The following MTUS2 variants were observed in gnomAD, a reference collection of about 807,000 sequenced individuals.
The protein encoded by MTUS2 is microtubule-associated tumor suppressor candidate 2.
In MTUS2, 40 loss-of-function variants were observed where a neutral mutation model predicts 114.1. The ratio of observed to expected loss-of-function variants is 0.35; its 90% CI spans 0.27 to 0.46. MTUS2 has a LOEUF of 0.46. Ranked by LOEUF, MTUS2 falls within the 20% of genes least tolerant of loss-of-function variation. MTUS2 has a pLI of 1.00. For synonymous variants in MTUS2, 688 were observed against 672.0 expected, an observed-to-expected ratio of 1.02 and a Z score of -0.37; for missense variants, 1,679 against 1,705.4, an observed-to-expected ratio of 0.98 and a Z score of 0.27.
chr13:29,420,473 T>C (rs184310501), intron 8 of MTUS2, among the ~76,000 whole-genome samples: 2 of 152,280 alleles, frequency 1.3e-5, no homozygotes, highest in Admixed American at 1.3e-4. Flanking sequence ...AGAGAGGGTT[T>C]CACCATGTTG....
At chr13:29,037,840 A>G (rs951856188) in intron 4 of MTUS2, among the ~76,000 whole-genome samples, 7 of 152,050 alleles carry the variant, frequency 4.6e-5, no homozygotes, top group Non-Finnish European at 1.0e-4. Context: ...CGAAGTTTTC[A>G]TGCTGTGTTT....
At chr13:29,243,589 G>A (rs1231582663) in intron 5 of MTUS2, among the ~76,000 whole-genome samples, 1 of 152,190 alleles carries the variant, frequency 6.6e-6, no homozygotes, top group Non-Finnish European at 1.5e-5. Flanking sequence ...AAGCCTTAGA[G>A]CATTAAAGGA....
chr13:29,223,877 A>G (rs1896003434), intron 5 of MTUS2, among the ~76,000 whole-genome samples: 1 of 152,192 alleles, frequency 6.6e-6, no homozygotes, highest in African/African-American at 2.4e-5. Flanking sequence ...GAGCCACCAC[A>G]TTCCCTGTGC....
chr13:29,073,060 G>A (rs550079271), intron 4 of MTUS2, among the ~76,000 whole-genome samples: 3 of 152,054 alleles, frequency 2.0e-5, no homozygotes, highest in South Asian at 4.2e-4. Context: ...TCTGGTGGTC[G>A]TTTTATTCTA....
intron 9 of MTUS2, among the ~76,000 whole-genome samples, chr13:29,462,893 G>A (rs548470094): frequency 1.4e-4 from 21 of 152,092 alleles, no homozygotes; most frequent in African/African-American, 2.2e-4. Flanking sequence ...CGACATCCCC[G>A]ATGATGTCCT....
chr13:29,492,894 G>C (rs1021717908), intron 12 of MTUS2, among the ~76,000 whole-genome samples, 175 bp downstream of exon 12: 2 of 152,214 alleles, frequency 1.3e-5, no homozygotes, highest in African/African-American at 2.4e-5. Context: ...TGCTCAGAAA[G>C]CTGTGATGCA....
intron 6 of MTUS2, among the ~76,000 whole-genome samples, chr13:29,305,729 T>A (rs535543882): frequency 6.6e-6 from 1 of 152,180 alleles, no homozygotes; most frequent in Admixed American, 6.6e-5. Context: ...CTGATACCAT[T>A]GCTACTGAAA....
In MTUS2 at chr13:29,115,944, G is replaced by A. The variant is rs140720192; in HGVS notation, c.2644+14974G>A. Among the ~76,000 whole-genome samples the A allele has an allele frequency of 4.5e-3, 691 of 152,294 alleles. 21 individuals carry two copies. Among genetic ancestry groups the A allele is most frequent in the Admixed American group, 0.041 (631 of 15,300 alleles). ...TGTGTTTATTCTACTTAAGGGTGGT[G>A]GGGCCATAACAGAGCATGATATCAA... On this transcript the variant is annotated intron_variant, in intron 5 of 15. Coordinates refer to ENST00000612955, the MANE Select transcript of MTUS2 (RefSeq NM_001033602.4).
chr13:29,122,893 G>T (rs942111860), intron 5 of MTUS2, among the ~76,000 whole-genome samples: 1 of 152,196 alleles, frequency 6.6e-6, no homozygotes, highest in Non-Finnish European at 1.5e-5. Flanking sequence ...TTCCAGGAGG[G>T]AATTTTTAAA....
chr13:28,928,600 T>A (rs2138079773), intron 2 of MTUS2, among the ~76,000 whole-genome samples: 1 of 152,186 alleles, frequency 6.6e-6, no homozygotes, highest in East Asian at 1.9e-4. Context: ...AAAATAATGC[T>A]GCGGAGAATG....
intron 5 of MTUS2, among the ~76,000 whole-genome samples, chr13:29,183,476 G>A (rs867221092): frequency 1.2e-4 from 18 of 152,146 alleles, no homozygotes; most frequent in Admixed American, 1.0e-3. Context: ...ATCAAGTAAC[G>A]AGTCTGGAGT....
intron 7 of MTUS2, among the ~76,000 whole-genome samples, chr13:29,336,337 C>T (rs1166090791): frequency 6.6e-6 from 1 of 152,090 alleles, no homozygotes; most frequent in African/African-American, 2.4e-5. Context: ...TGTGGACGTC[C>T]TTTTTGTTGA....
intron 6 of MTUS2, among the ~76,000 whole-genome samples, chr13:29,298,222 T>C (rs1281189063): frequency 1.8e-4 from 28 of 152,158 alleles, no homozygotes; most frequent in Admixed American, 1.8e-3. Context: ...TAAAATTCCT[T>C]TATTCAGACT....
intron 5 of MTUS2, among the ~76,000 whole-genome samples, chr13:29,208,277 T>A (rs1458472627): frequency 6.6e-6 from 1 of 152,128 alleles, no homozygotes; most frequent in African/African-American, 2.4e-5. Flanking sequence ...AGTTATAGTA[T>A]CTCTTCTTTT....
At chr13:29,089,599 T>C (rs1457459729) in intron 4 of MTUS2, among the ~76,000 whole-genome samples, 1 of 152,234 alleles carries the variant, frequency 6.6e-6, no homozygotes, top group Non-Finnish European at 1.5e-5. Context: ...CAGTGAGTCA[T>C]AGGTTTGGTC....
At chr13:29,169,237 A>C (rs911056531) in intron 5 of MTUS2, among the ~76,000 whole-genome samples, 1 of 152,224 alleles carries the variant, frequency 6.6e-6, no homozygotes, top group Non-Finnish European at 1.5e-5. Context: ...GCAAAATATT[A>C]GCTGAAGGAT....
intron 2 of MTUS2, among the ~76,000 whole-genome samples, chr13:28,982,464 T>G (rs1593354574): frequency 6.6e-6 from 1 of 152,304 alleles, no homozygotes; most frequent in East Asian, 1.9e-4. Context: ...AGTATGGTGG[T>G]TCCTCAAAAA....
chr13:28,981,974 G>T (rs1884379752), intron 2 of MTUS2, among the ~76,000 whole-genome samples: 1 of 152,192 alleles, frequency 6.6e-6, no homozygotes, highest in Admixed American at 6.5e-5. Flanking sequence ...TTTCTTGAAT[G>T]CCCTAGGGAT....
chr13:28,976,381 G>C (rs968587045), intron 2 of MTUS2, among the ~76,000 whole-genome samples: 1 of 152,178 alleles, frequency 6.6e-6, no homozygotes, highest in Admixed American at 6.5e-5. Context: ...GCAATGGGTG[G>C]AACATTGTAG....
Sources: gnomAD v4.1 joint callset for allele counts (sites outside exome capture counted in the v4.1 genomes callset) on GRCh38, gnomAD v4.1.1 for gene constraint, MANE v1.5 for transcripts, NCBI Gene and HGNC (gene_info 2026-07-23, HGNC 2026-07-21) for gene names.